NOS1: variants seen among roughly 807,000 people sequenced by gnomAD.
The protein encoded by NOS1 is NOS type I.
In NOS1, 51 loss-of-function variants were observed where a neutral mutation model predicts 164.5. The ratio of observed to expected loss-of-function variants is 0.31; its 90% CI spans 0.25 to 0.39. The LOEUF (loss-of-function observed/expected upper bound fraction) is 0.39. Among genes scored for constraint, NOS1 ranks in the 10% least tolerant of loss-of-function variants. The pLI, the probability that NOS1 is intolerant of heterozygous loss-of-function variation, is 1.00. For synonymous variants in NOS1, 719 were observed against 745.8 expected (o/e 0.96, Z 0.59); for missense variants, 1,362 against 1,885.6 (o/e 0.72, Z 5.14).
At chr12:117,215,383 C>A in intron 28 of NOS1, 59 bp from the exon 29 acceptor site, 1 of 1,449,670 alleles carries the variant, frequency 6.9e-7, no homozygotes, top group Non-Finnish European at 9.1e-7. Flanking sequence ...GCTGTTTCCT[C>A]TGAGTGCCCC....
chr12:117,208,229 A>C lies in NOS1; in HGVS notation c.*7080T>G, dbSNP rs1956467321. 1 of 1,234,108 alleles carries C rather than the reference A, an allele frequency of 8.1e-7. No individual in the cohort carries two copies. The highest frequency in any genetic ancestry group is 1.1e-6 in the Non-Finnish European group (1 of 947,672). The allele number at this position is 1,234,108 out of a possible 1,614,324, so 76.4% of individuals were successfully genotyped here. Reference sequence around the variant, plus strand: ...CCCATAAAATTGGAAGATGAGAACTATACAGAAGAAGAGCATGCGACAAAC... The same window carrying C: ...CCCATAAAATTGGAAGATGAGAACTCTACAGAAGAAGAGCATGCGACAAAC... On this transcript the variant is annotated 3_prime_UTR_variant, in exon 29 of 29. Transcript: ENST00000317775.
chr12:117,276,149 TCCA>T (rs1873162285), intron 9 of NOS1, among the ~76,000 whole-genome samples: 3 of 152,232 alleles, frequency 2.0e-5, no homozygotes, highest in Non-Finnish European at 4.4e-5. Context: ...GAATGGGGTA[TCCA>T]TCCCCTCAAG....
intron 1 of NOS1, among the ~76,000 whole-genome samples, chr12:117,347,553 TTGAC>T (rs1171019721): frequency 6.6e-6 from 1 of 152,150 alleles, no homozygotes; most frequent in Non-Finnish European, 1.5e-5. Context: ...CTATAGGCCT[TTGAC>T]TGTGGGACCC....
intron 16 of NOS1, among the ~76,000 whole-genome samples, chr12:117,254,176 C>T (rs763706725): frequency 4.6e-5 from 7 of 152,180 alleles, no homozygotes; most frequent in Non-Finnish European, 7.3e-5. Flanking sequence ...GGCACGGCCT[C>T]GTCTCACTGC....
chr12:117,258,921 G>T, intron 15 of NOS1, 105 bp downstream of exon 15: 1 of 726,674 alleles, frequency 1.4e-6, no homozygotes, highest in Non-Finnish European at 2.3e-6. Flanking sequence ...CAGGCTCTGG[G>T]AGGGTTTGCT....
chr12:117,347,444 G>A (rs942921126), intron 1 of NOS1, among the ~76,000 whole-genome samples: 1 of 152,184 alleles, frequency 6.6e-6, no homozygotes, highest in African/African-American at 2.4e-5. Flanking sequence ...GGAGTAGGTG[G>A]TGGCGCCTCC....
At chr12:117,308,073 C>CTT (rs1370654795) in intron 3 of NOS1, among the ~76,000 whole-genome samples, 13 of 151,932 alleles carry the variant, frequency 8.6e-5, no homozygotes, top group Non-Finnish European at 1.3e-4. Context: ...AAATCAAAAG[C>CTT]ACTAATGCTA....
chr12:117,265,429 C>G lies in NOS1; in HGVS notation c.2023G>C (p.Gly675Arg), dbSNP rs769211402. ...CACACCCAGTCGGCAGGGCAGCCCC[C>G]CCGGCAGCGGTACTCATTCTCCATG... ...KHMENEYRCR[G>R]GCPADWVWIV... The change falls in exon 12 of 29, where the codon GGG becomes CGG. Residue 675 changes from glycine (G) to arginine (R), a missense_variant. Transcript: ENST00000317775. 2 of 1,590,718 alleles carry G rather than the reference C, an allele frequency of 1.3e-6. No individual in the cohort carries two copies. Among genetic ancestry groups the G allele is most frequent in the East Asian group, 2.3e-5 (1 of 43,904 alleles).
intron 3 of NOS1, among the ~76,000 whole-genome samples, chr12:117,298,064 T>C: frequency 6.6e-6 from 1 of 152,100 alleles, no homozygotes; most frequent in South Asian, 2.1e-4. Context: ...ATTGATCGTG[T>C]GCACTATTTC....
intron 20 of NOS1, among the ~76,000 whole-genome samples, chr12:117,242,189 G>A (rs1468114309): frequency 6.6e-6 from 1 of 152,170 alleles, no homozygotes; most frequent in African/African-American, 2.4e-5. Flanking sequence ...AGAGTGGGCT[G>A]TTTTGTGAGG....
intron 12 of NOS1, 28 bp from the exon 13 acceptor site, chr12:117,264,002 C>A: frequency 6.3e-7 from 1 of 1,590,674 alleles, no homozygotes; most frequent in South Asian, 1.1e-5. Context: ...GGGCTATGGT[C>A]ACTCACTGCA....
intron 26 of NOS1, among the ~76,000 whole-genome samples, chr12:117,221,552 G>A (rs528602823): frequency 6.6e-6 from 1 of 152,112 alleles, no homozygotes; most frequent in Admixed American, 6.6e-5. Flanking sequence ...CCAAAGTGCT[G>A]GGATTACAGG....
intron 28 of NOS1, among the ~76,000 whole-genome samples, chr12:117,215,869 C>CTTT (rs34665031): frequency 8.3e-4 from 71 of 85,418 alleles, no homozygotes; most frequent in Middle Eastern, 0.021. Context: ...TTTAAAAGGA[C>CTTT]TTTTTTTTTT....
chr12:117,215,397 G>A, intron 28 of NOS1, 73 bp from the exon 29 acceptor site: 1 of 1,429,572 alleles, frequency 7.0e-7, no homozygotes. Flanking sequence ...GTGCCCCAGA[G>A]AAAATCACCC....
chr12:117,217,660 G>A (rs1956632576), intron 28 of NOS1, among the ~76,000 whole-genome samples: 1 of 151,704 alleles, frequency 6.6e-6, no homozygotes, highest in Admixed American at 6.6e-5. Context: ...AGCTGAGACT[G>A]TGTCACTGCA....
At chr12:117,311,064 C>T (rs915329799) in intron 3 of NOS1, among the ~76,000 whole-genome samples, 2 of 152,146 alleles carry the variant, frequency 1.3e-5, no homozygotes, top group African/African-American at 2.4e-5. Context: ...TGGGGTTTCA[C>T]CATGTTGGTC....
intron 2 of NOS1, among the ~76,000 whole-genome samples, chr12:117,326,385 C>CA (rs746345561): frequency 0.012 from 304 of 25,864 alleles, no homozygotes; most frequent in East Asian, 0.03. Context: ...GACTCTGTCT[C>CA]AAAAAAAAAA....
At chr12:117,352,277 C>T (rs933330731) in intron 1 of NOS1, among the ~76,000 whole-genome samples, 3 of 152,114 alleles carry the variant, frequency 2.0e-5, no homozygotes, top group African/African-American at 7.2e-5. Context: ...AGGCAAGAGG[C>T]GTGGGCCTGG....
chr12:117,212,001 G>C lies in NOS1; in HGVS notation c.*3308C>G, dbSNP rs985794022. ...AATCACTTGAACTGGGGGAGGCAGAGGATGCAGTGAGCTGAGATCGTACCA... is the reference window on the plus strand; with the variant it reads ...AATCACTTGAACTGGGGGAGGCAGACGATGCAGTGAGCTGAGATCGTACCA... On this transcript the variant is annotated 3_prime_UTR_variant, in exon 29 of 29. Transcript: ENST00000317775. The C allele has an allele frequency of 2.7e-6, 2 of 747,064 alleles. No individual in the cohort carries two copies. Among genetic ancestry groups the C allele is most frequent in the African/African-American group, 3.8e-5 (2 of 52,604 alleles). The allele number at this position is 747,064 out of a possible 1,614,324, so 46.3% of individuals were successfully genotyped here. A position where few individuals can be genotyped will look rare whatever the true frequency, so the allele number is the denominator to read the frequency against.
Sources: gnomAD v4.1 joint callset for allele counts (sites outside exome capture counted in the v4.1 genomes callset) on GRCh38, gnomAD v4.1.1 for gene constraint, MANE v1.5 for transcripts, NCBI Gene and HGNC (gene_info 2026-07-23, HGNC 2026-07-21) for gene names.